Variants in ZNF350 observed in about 807,000 individuals in gnomAD.
The protein encoded by ZNF350 is zinc finger protein 350.
In ZNF350, 5 loss-of-function variants were observed where a neutral mutation model predicts 13.1. That is an observed-to-expected ratio of 0.38 (90% CI 0.20 to 0.80). The LOEUF is 0.80. ZNF350 is among the 30% of genes least tolerant of loss of function. The pLI is 0.43. For synonymous variants in ZNF350, 199 were observed against 224.2 expected, an observed-to-expected ratio of 0.89 and a Z score of 1.00; for missense variants, 534 against 644.2, an observed-to-expected ratio of 0.83 and a Z score of 1.85.
intron 1 of ZNF350, among the ~76,000 whole-genome samples, chr19:51,975,956 G>T (rs1350042361): frequency 6.6e-6 from 1 of 152,238 alleles, no homozygotes; most frequent in Non-Finnish European, 1.5e-5. Flanking sequence ...ACAGCAAACT[G>T]TTTATCATGA....
chr19:51,965,699 G>A lies in ZNF350; in HGVS notation c.754C>T (p.His252Tyr). The A allele has an allele frequency of 6.2e-7, 1 of 1,614,204 alleles. No homozygotes were observed. Among genetic ancestry groups the A allele is most frequent in the Non-Finnish European group, 8.5e-7 (1 of 1,180,040 alleles). ...TTTTCTCCTGTATGAGTTCGCTGAT[G>A]TTCAGTAAGCATGAACTTTCTGGAG... is the stretch of plus-strand genomic sequence containing the variant. The part of the protein sequence containing the change: ...AFSRKFMLTE[H>Y]QRTHTGEKPY... The change falls in exon 5 of 5, where the codon CAT becomes TAT. Residue 252 changes from histidine to tyrosine, a missense_variant. By Grantham distance (83) the His-to-Tyr change is moderately conservative. Coordinates refer to ENST00000243644, the MANE Select transcript of ZNF350 (RefSeq NM_021632.4).
At chr19:51,975,418 A>G (rs2085858502) in intron 1 of ZNF350, among the ~76,000 whole-genome samples, 1 of 140,178 alleles carries the variant, frequency 7.1e-6, no homozygotes, top group African/African-American at 2.8e-5. Flanking sequence ...AAAAAGAGCG[A>G]AACCTCGTCT....
At chr19:51,973,260 A>G (rs902168131) in intron 2 of ZNF350, 1 of 152,024 alleles carries the variant, frequency 6.6e-6, no homozygotes, top group Non-Finnish European at 1.5e-5. Flanking sequence ...TTATTTTTTG[A>G]TATGTGTACT....
intron 1 of ZNF350, 61 bp from the exon 2 acceptor site, chr19:51,974,592 CACT>C: frequency 1.9e-6 from 1 of 519,938 alleles, no homozygotes. Context: ...CAGATACTGT[CACT>C]GCTGCTAGGC....
At chr19:51,971,142 T>C (rs1374212743) in intron 2 of ZNF350, among the ~76,000 whole-genome samples, 1 of 152,202 alleles carries the variant, frequency 6.6e-6, no homozygotes, top group Non-Finnish European at 1.5e-5. Flanking sequence ...AATTGAGTCA[T>C]TGAAGACCCA....
In ZNF350 at chr19:51,965,642, A is replaced by G; in HGVS notation, c.811T>C (p.Phe271Leu). 1.2e-6 allele frequency: 2 copies of G among 1,614,208 alleles called. No homozygotes were observed. The highest frequency in any genetic ancestry group is 1.7e-5 in the Admixed American group (1 of 60,026). The change falls in exon 5 of 5, where the codon TTT becomes CTT. Residue 271 changes from phenylalanine (F) to leucine (L), a missense_variant. By Grantham distance (22) the Phe-to-Leu change is conservative. Coordinates refer to ENST00000243644, the MANE Select transcript of ZNF350 (RefSeq NM_021632.4). Reference protein sequence around the residue: ...PYECPECGKAFLKKSRLNIHQ... With the variant: ...PYECPECGKALLKKSRLNIHQ... Reference sequence around the variant, plus strand: ...ATGTTGAGCCGTGATTTCTTGAGAAAGGCTTTGCCACATTCAGGGCATTCA... The same window carrying G: ...ATGTTGAGCCGTGATTTCTTGAGAAGGGCTTTGCCACATTCAGGGCATTCA...
Position 51,968,619 on chromosome 19 carries a change from A to G in ZNF350, c.197T>C (p.Leu66Pro), listed in dbSNP as rs2278420. 0.18 allele frequency: 290,748 copies of G among 1,613,762 alleles called. 29,013 individuals are homozygous for G. Among genetic ancestry groups the G allele is most frequent in the African/African-American group, 0.38 (28,475 of 74,894 alleles). ...GTGGATTCCATCTTCAATTGTCCACAGTTGTTCTCCTTGTTCCAACTTGAA... is the reference window on the plus strand; with the variant it reads ...GTGGATTCCATCTTCAATTGTCCACGGTTGTTCTCCTTGTTCCAACTTGAA... ...ALFKLEQGEQ[L>P]WTIEDGIHSG... Residue 66 changes from leucine to proline, a missense_variant, in exon 4 of 5, where the codon CTG (leucine) becomes CCG (proline). Leu to Pro is a moderately conservative substitution (Grantham distance 98, BLOSUM62 -3). Transcript: ENST00000243644.
At chr19:51,979,117 G>A (rs756784527) in intron 1 of ZNF350, among the ~76,000 whole-genome samples, 1 of 152,068 alleles carries the variant, frequency 6.6e-6, no homozygotes, top group Non-Finnish European at 1.5e-5. Flanking sequence ...ATGGAGAGAA[G>A]GCCAACCAGA....
chr19:51,971,836 G>A (rs141129764), intron 2 of ZNF350, among the ~76,000 whole-genome samples: 201 of 152,244 alleles, frequency 1.3e-3, no homozygotes, highest in Non-Finnish European at 2.6e-3. Context: ...GGTCTGTGCG[G>A]GTTACAAGTG....
Position 51,966,837 on chromosome 19 carries a change from G to T in ZNF350, c.239-623C>A, listed in dbSNP as rs1180635344. 3.3e-5 allele frequency among the ~76,000 whole-genome samples: 5 copies of T among 151,898 alleles called. No homozygotes were observed. In the East Asian group the frequency reaches 9.7e-4, roughly 29 times the overall value. On this transcript the variant is annotated intron_variant, in intron 4 of 4. Transcript: ENST00000243644. ...TAATTCTGTATATTTAGTAGAGACGGCGTTTCACCATGTTAGCCAGGCTGA... is the reference window on the plus strand; with the variant it reads ...TAATTCTGTATATTTAGTAGAGACGTCGTTTCACCATGTTAGCCAGGCTGA...
At position 51,966,154 on chromosome 19, in the gene ZNF350, C is replaced by T; in HGVS notation, c.299G>A (p.Arg100Lys). ...RLQSESLVNR[R>K]KPCHEHDAFE... ...TGCATCATGTTCATGACATGGTTTC[C>T]TTCTGTTCACCAGGCTTTCACTCTG... Residue 100 changes from arginine (R) to lysine (K), a missense_variant, in exon 5 of 5, where the codon AGG (arginine) becomes AAG (lysine). Arg to Lys is a conservative substitution (Grantham distance 26). Coordinates refer to ENST00000243644, the MANE Select transcript of ZNF350 (RefSeq NM_021632.4). The T allele has an allele frequency of 6.2e-7, 1 of 1,613,080 alleles. No homozygotes were observed. Among genetic ancestry groups the T allele is most frequent in the Non-Finnish European group, 8.5e-7 (1 of 1,179,720 alleles).
At chr19:51,969,988 G>A (rs753052682) in intron 2 of ZNF350, among the ~76,000 whole-genome samples, 4 of 151,930 alleles carry the variant, frequency 2.6e-5, no homozygotes, top group South Asian at 2.1e-4. Flanking sequence ...CGCCTCCCAG[G>A]AGCAGGCAAT....
At chr19:51,974,006 T>C (rs1363047075) in intron 2 of ZNF350, 1 of 180,886 alleles carries the variant, frequency 5.5e-6, no homozygotes, top group Non-Finnish European at 1.2e-5. Flanking sequence ...GGAAGTAATC[T>C]GTTTTATCTT....
chr19:51,985,405 C>T (rs1568489342), intron 1 of ZNF350, among the ~76,000 whole-genome samples: 1 of 152,168 alleles, frequency 6.6e-6, no homozygotes, highest in Non-Finnish European at 1.5e-5. Flanking sequence ...CAGGCGATAT[C>T]ATCACGAACA....
chr19:51,975,143 G>A (rs1311670866), intron 1 of ZNF350, among the ~76,000 whole-genome samples: 1 of 152,182 alleles, frequency 6.6e-6, no homozygotes, highest in African/African-American at 2.4e-5. Flanking sequence ...TATGACAAAG[G>A]TTGCACACTA....
intron 2 of ZNF350, 79 bp from the exon 3 acceptor site, chr19:51,969,210 C>G: frequency 6.4e-7 from 1 of 1,556,256 alleles, no homozygotes; most frequent in Non-Finnish European, 8.7e-7. Flanking sequence ...CTGCTCATTT[C>G]CACTCTACAG....
At chr19:51,968,873 G>T (rs1019612117) in intron 3 of ZNF350, 132 bp downstream of exon 3, 1 of 1,576,568 alleles carries the variant, frequency 6.3e-7, no homozygotes, top group Non-Finnish European at 8.7e-7. Flanking sequence ...ACACCGTCTT[G>T]TGTGGGAGCA....
In ZNF350 at chr19:51,974,354, G is replaced by A. The variant is rs267605627; in HGVS notation, c.7C>T (p.Gln3Ter). 2 of 1,613,832 alleles carry A rather than the reference G, an allele frequency of 1.2e-6. No individual in the cohort carries two copies. The highest frequency in any genetic ancestry group is 1.7e-6 in the Non-Finnish European group (2 of 1,179,852). Residue 3 changes from glutamine (Q) to a stop codon, truncating the protein, a stop_gained, in exon 2 of 5, where the codon CAG becomes TAG. Transcript: ENST00000243644. LOFTEE classifies it high-confidence loss of function. The stretch of plus-strand genomic sequence containing the variant: ...AACCAAAAGTCAGTTACCTGGGCCT[G>A]GATCATTTTCTTCTGTTCTTGGAAG... MI[Q>*]AQESITLEDV...
At chr19:51,967,800 T>G (rs2085621296) in intron 4 of ZNF350, among the ~76,000 whole-genome samples, 1 of 152,098 alleles carries the variant, frequency 6.6e-6, no homozygotes, top group Non-Finnish European at 1.5e-5. Flanking sequence ...ATGGCCAAGA[T>G]TCAGGATGTA....
Sources: gnomAD v4.1 joint callset for allele counts (sites outside exome capture counted in the v4.1 genomes callset) on GRCh38, gnomAD v4.1.1 for gene constraint, MANE v1.5 for transcripts, NCBI Gene and HGNC (gene_info 2026-07-23, HGNC 2026-07-21) for gene names.